SORBS2: variants seen among roughly 807,000 people sequenced by gnomAD.
The protein encoded by SORBS2 is sorbin and SH3 domain containing 2.
In SORBS2, 46 loss-of-function variants were observed where a neutral mutation model predicts 97.7. The observed-to-expected ratio is 0.47, with a 90% CI of 0.37 to 0.60. SORBS2 has a LOEUF of 0.60. SORBS2 is among the 20% of genes least tolerant of loss of function. The pLI, the probability that SORBS2 is intolerant of heterozygous loss-of-function variation, is 0.00. For synonymous variants in SORBS2, 476 were observed against 473.4 expected, an observed-to-expected ratio of 1.01 and a Z score of -0.07; for missense variants, 1,316 against 1,282.3, an observed-to-expected ratio of 1.03 and a Z score of -0.40.
At chr4:185,868,317 C>T (rs968496611) in intron 1 of SORBS2, among the ~76,000 whole-genome samples, 2 of 151,580 alleles carry the variant, frequency 1.3e-5, no homozygotes, top group African/African-American at 4.8e-5. Context: ...CCACCATGCC[C>T]AGCTAATTTT....
chr4:185,758,822 A>C (rs1031672091), intron 2 of SORBS2, among the ~76,000 whole-genome samples: 5 of 152,362 alleles, frequency 3.3e-5, no homozygotes, highest in Admixed American at 6.5e-5. Context: ...TTCTGCCCCC[A>C]GATGGGTAAC....
chr4:185,909,469 C>G (rs753257394), intron 1 of SORBS2, among the ~76,000 whole-genome samples: 4 of 151,906 alleles, frequency 2.6e-5, no homozygotes, highest in African/African-American at 4.8e-5. Flanking sequence ...CTACCAAAAG[C>G]CCAGACTTCA....
rs369047425 is a variant in SORBS2, at chr4:185,844,634, T to G, written c.-337-69268A>C. ...CCTGTGTAAAAAGTGAACACAGATC[T>G]TCAAACAAAACTTGTACACCGATGC... On this transcript the variant is annotated intron_variant, in intron 1 of 20. Coordinates refer to the SORBS2 transcript ENST00000284776. 2.6e-4 allele frequency among the ~76,000 whole-genome samples: 39 copies of G among 152,330 alleles called. No individual in the cohort carries two copies. The East Asian group carries it at 7.1e-3, about 28-fold the overall frequency.
exon 5 of SORBS2, chr4:185,662,205 A>G (rs1439691464): frequency 1.2e-6 from 2 of 1,613,300 alleles, no homozygotes; most frequent in Admixed American, 3.3e-5. Flanking sequence ...CATGGGACTC[A>G]CGGCACCTCC....
chr4:185,676,800 T>C (rs778896859), intron 4 of SORBS2, among the ~76,000 whole-genome samples: 9 of 152,186 alleles, frequency 5.9e-5, no homozygotes, highest in Non-Finnish European at 1.3e-4. Flanking sequence ...TGTATATGCA[T>C]ATTTACATTT....
chr4:185,589,893 T>C, intron 13 of SORBS2, 108 bp from the exon 26 acceptor site: 1 of 715,146 alleles, frequency 1.4e-6, no homozygotes, highest in South Asian at 1.6e-5. Flanking sequence ...CTTAACAACA[T>C]TCTGTTGGGT....
intron 4 of SORBS2, among the ~76,000 whole-genome samples, chr4:185,664,994 A>G (rs1479361202): frequency 1.3e-5 from 2 of 152,214 alleles, no homozygotes; most frequent in African/African-American, 2.4e-5. Context: ...CCATTCACAG[A>G]TCATTTATTA....
At chr4:185,870,787 C>A (rs2099230004) in intron 1 of SORBS2, among the ~76,000 whole-genome samples, 1 of 152,178 alleles carries the variant, frequency 6.6e-6, no homozygotes, top group South Asian at 2.1e-4. Context: ...CTTTTACAGA[C>A]CCAGTGTCAA....
At chr4:185,878,449 C>T (rs1481316223) in intron 1 of SORBS2, among the ~76,000 whole-genome samples, 1 of 152,152 alleles carries the variant, frequency 6.6e-6, no homozygotes, top group Non-Finnish European at 1.5e-5. Context: ...TGGTAAATGA[C>T]ACCTCCATCT....
intron 2 of SORBS2, among the ~76,000 whole-genome samples, chr4:185,714,356 G>A (rs6552915): frequency 0.77 from 116,396 of 151,746 alleles, 45,962 homozygotes; most frequent in Non-Finnish European, 0.88. Context: ...GTCTATACCA[G>A]GTTTATATAC....
chr4:185,595,754 A>G (rs955123404), intron 12 of SORBS2, among the ~76,000 whole-genome samples: 6 of 147,278 alleles, frequency 4.1e-5, no homozygotes, highest in African/African-American at 1.6e-4. Flanking sequence ...TTGAAGTTAG[A>G]ATTGGTCTAG....
chr4:185,758,860 T>A (rs1038490726), intron 2 of SORBS2, among the ~76,000 whole-genome samples: 10 of 152,240 alleles, frequency 6.6e-5, no homozygotes, highest in African/African-American at 2.4e-4. Flanking sequence ...TCAACTTCCT[T>A]GCTCAACATT....
intron 1 of SORBS2, among the ~76,000 whole-genome samples, chr4:185,849,322 G>A (rs1004473199): frequency 6.6e-6 from 1 of 152,130 alleles, no homozygotes; most frequent in Non-Finnish European, 1.5e-5. Context: ...TTGAGACACT[G>A]CAAGGCTCAG....
intron 2 of SORBS2, among the ~76,000 whole-genome samples, chr4:185,718,452 A>G (rs575827554): frequency 6.6e-6 from 1 of 152,340 alleles, no homozygotes; most frequent in South Asian, 2.1e-4. Flanking sequence ...ACAAGTTTGT[A>G]TAAACAGGAC....
chr4:185,594,036 C>A, intron 12 of SORBS2, 101 bp from the exon 25 acceptor site: 3 of 773,372 alleles, frequency 3.9e-6, no homozygotes, highest in Non-Finnish European at 6.5e-6. Flanking sequence ...TTTAATATTT[C>A]CTGTTGTAAA....
chr4:185,724,130 A>T (rs547971749), intron 2 of SORBS2, among the ~76,000 whole-genome samples: 1 of 152,354 alleles, frequency 6.6e-6, no homozygotes, highest in East Asian at 1.9e-4. Context: ...TGAAGTTAAC[A>T]ATAAAAGAAG....
chr4:185,603,231 A>C (rs993701992), intron 12 of SORBS2, among the ~76,000 whole-genome samples: 6 of 151,862 alleles, frequency 4.0e-5, no homozygotes, highest in Admixed American at 3.3e-4. Flanking sequence ...ACTAAGCTTA[A>C]AAACCGAAGA....
At chr4:185,929,311 A>G (rs182389444) in intron 1 of SORBS2, among the ~76,000 whole-genome samples, 3 of 152,098 alleles carry the variant, frequency 2.0e-5, no homozygotes, top group Non-Finnish European at 2.9e-5. Flanking sequence ...ACCAGTTAAC[A>G]CTCAGAGGGT....
At chr4:185,775,160 A>AT (rs531339760) in intron 2 of SORBS2, 67 bp downstream of exon 2, 2 of 152,654 alleles carry the variant, frequency 1.3e-5, no homozygotes, top group Admixed American at 1.3e-4. Context: ...TAAGTAAGTT[A>AT]TTTTAAAGAC....
Sources: allele counts gnomAD v4.1 joint callset (sites outside exome capture counted in the v4.1 genomes callset), GRCh38; gene constraint gnomAD v4.1.1; transcripts MANE v1.5; gene names NCBI Gene and HGNC (gene_info 2026-07-23, HGNC 2026-07-21).